The following DHX29 variants were observed in gnomAD, a reference collection of about 807,000 sequenced individuals.
The protein encoded by DHX29 is DExH-box helicase 29, also known as ATP-dependent RNA helicase DHX29.
Under a neutral mutation model 167.9 loss-of-function variants are expected in DHX29, and 79 were observed. That is an observed-to-expected ratio of 0.47 (90% CI 0.39 to 0.57). The LOEUF (loss-of-function observed/expected upper bound fraction) is 0.57. Ranked by LOEUF, DHX29 falls within the 20% of genes least tolerant of loss-of-function variation. The pLI is 0.00. For synonymous variants in DHX29, 530 were observed against 546.0 expected, an observed-to-expected ratio of 0.97 and a Z score of 0.41; for missense variants, 1,347 against 1,593.4, an observed-to-expected ratio of 0.85 and a Z score of 2.63.
intron 1 of DHX29, among the ~76,000 whole-genome samples, chr5:55,299,250 A>C (rs1748480751): frequency 6.6e-6 from 1 of 152,190 alleles, no homozygotes; most frequent in African/African-American, 2.4e-5. Context: ...CTTTATCCTC[A>C]TATCTTTTAG....
At chr5:55,269,365 G>C in intron 21 of DHX29, 48 bp downstream of exon 21, 2 of 1,568,766 alleles carry the variant, frequency 1.3e-6, no homozygotes, top group Non-Finnish European at 1.7e-6. Context: ...GTAATTTCCT[G>C]GTCAAAGGAT....
intron 12 of DHX29, among the ~76,000 whole-genome samples, chr5:55,280,678 A>T (rs551348757): frequency 2.4e-4 from 36 of 152,284 alleles, no homozygotes; most frequent in African/African-American, 8.7e-4. Flanking sequence ...AAATTAATCA[A>T]GGAAGAAAAA....
intron 23 of DHX29, among the ~76,000 whole-genome samples, chr5:55,263,786 G>GC (rs113191432): frequency 1 from 141,902 of 141,908 alleles, 70,948 homozygotes; most frequent in Middle Eastern, 1. Context: ...CAGTCAGTTG[G>GC]CCAGAGGGGG....
At position 55,295,585 on chromosome 5, in the gene DHX29, T is replaced by C; in HGVS notation, c.506-61A>G. On this transcript the variant is annotated intron_variant, in intron 4 of 26. Transcript: ENST00000251636. ...GCATATGATACATAAAACACACAAA[T>C]ATTTGTTAAGCATTTGTAAACCTTG... 3.2e-6 allele frequency: 5 copies of C among 1,548,928 alleles called. No individual in the cohort carries two copies. In the South Asian group the frequency reaches 5.9e-5, roughly 18 times the overall value.
At chr5:55,279,821 T>C (rs1469641875) in intron 12 of DHX29, among the ~76,000 whole-genome samples, 1 of 151,132 alleles carries the variant, frequency 6.6e-6, no homozygotes, top group Non-Finnish European at 1.5e-5. Flanking sequence ...TCCTCCCCCC[T>C]TCAGCCTGCC....
rs1748315197 is a variant in DHX29 at position 55,296,305 on chromosome 5, G to A, written c.420C>T (p.Asp140=). The part of the protein sequence containing the change: ...ALQAFSFKTK[D]IEDAMTNTLL... ...GTGTATTGGTCATGGCATCTTCAAT[G>A]TCCTTTGTCTTAAATGAAAATGCTT... The change falls in exon 4 of 27, where the codon GAC becomes GAT. Residue 140 remains aspartate (D), a synonymous_variant. Coordinates refer to ENST00000251636, the MANE Select transcript of DHX29 (RefSeq NM_019030.4). The A allele has an allele frequency of 1.9e-6, 3 of 1,613,496 alleles. No homozygotes were observed. Among genetic ancestry groups the A allele is most frequent in the Non-Finnish European group, 2.5e-6 (3 of 1,179,678 alleles).
At position 55,298,642 on chromosome 5, in the gene DHX29, A is replaced by T. The variant is rs1362585077; in HGVS notation, c.210T>A (p.Asn70Lys). Residue 70 changes from asparagine to lysine, a missense_variant, in exon 2 of 27, where the codon AAT becomes AAA. Transcript: ENST00000251636. The stretch of plus-strand genomic sequence containing the variant: ...CAGGACCACTAGAATCATTTGTAGA[A>T]TTAAAACTATAAATTTTTGGACCTG... ...VKQGPKIYSF[N>K]STNDSSGPAN... is the part of the protein sequence containing the mutation. 6.5e-7 allele frequency: 1 copy of T among 1,534,732 alleles called. No homozygotes were observed. The highest frequency in any genetic ancestry group is 1.7e-5 in the Admixed American group (1 of 59,444).
In DHX29 at chr5:55,269,632, ACAT is replaced by A. The variant is rs778169490; in HGVS notation, c.3072_3074del (p.Lys1024_Cys1025delinsAsn). On this transcript the variant is annotated inframe_deletion and splice_region_variant, in exon 21 of 27. Coordinates refer to ENST00000251636, the MANE Select transcript of DHX29 (RefSeq NM_019030.4). ...GGAAATCTTCAGGAGAACCAAGATTACATTTCTGCAGATTAAAAAAGCAATAAA... is the reference window on the plus strand; with the variant it reads ...GGAAATCTTCAGGAGAACCAAGATTATTCTGCAGATTAAAAAAGCAATAAA... The A allele has an allele frequency of 6.2e-7, 1 of 1,611,856 alleles. No homozygotes were observed. Among genetic ancestry groups the A allele is most frequent in the Non-Finnish European group, 8.5e-7 (1 of 1,178,200 alleles).
At chr5:55,296,156 G>T in intron 4 of DHX29, 64 bp downstream of exon 4, 1 of 1,510,412 alleles carries the variant, frequency 6.6e-7, no homozygotes, top group South Asian at 1.4e-5. Flanking sequence ...CCAAAAGGTT[G>T]ATACAAATAC....
At chr5:55,287,533 T>C (rs948602513) in intron 8 of DHX29, among the ~76,000 whole-genome samples, 14 of 152,192 alleles carry the variant, frequency 9.2e-5, no homozygotes, top group African/African-American at 3.1e-4. Context: ...CTAACTATAA[T>C]GCAATCTGAT....
chr5:55,265,828 G>C lies in DHX29; in HGVS notation c.3525+1310C>G, dbSNP rs1055213042. ...TTCAAAATCTAGGGGGCAGATAGTA[G>C]AATAAAAGGAGTACAAGTAGATTGA... On this transcript the variant is annotated intron_variant, in intron 23 of 26. Coordinates refer to ENST00000251636, the MANE Select transcript of DHX29 (RefSeq NM_019030.4). Among the ~76,000 whole-genome samples the C allele has an allele frequency of 5.9e-5, 9 of 152,148 alleles. No individual in the cohort carries two copies. In the South Asian group the frequency reaches 8.3e-4, roughly 14 times the overall value.
At chr5:55,284,883 A>G (rs978206393) in intron 10 of DHX29, among the ~76,000 whole-genome samples, 2 of 152,184 alleles carry the variant, frequency 1.3e-5, no homozygotes, top group Non-Finnish European at 2.9e-5. Flanking sequence ...TTTTAAAAAA[A>G]ATTAGCTGGA....
Position 55,289,170 on chromosome 5 carries a change from G to C in DHX29, c.1066+100C>G, listed in dbSNP as rs76309735. On this transcript the variant is annotated intron_variant, in intron 8 of 26. Coordinates refer to ENST00000251636, the MANE Select transcript of DHX29 (RefSeq NM_019030.4). ...AAGTGTAACTTCACTGCCATCTTACGTACTTTGCCAGAATGCAAAGTAACG... is the reference window on the plus strand; with the variant it reads ...AAGTGTAACTTCACTGCCATCTTACCTACTTTGCCAGAATGCAAAGTAACG... The C allele has an allele frequency of 2.3e-6, 3 of 1,295,994 alleles. No individual in the cohort carries two copies. In the East Asian group the frequency reaches 8.5e-5, roughly 37 times the overall value. 80.3% of individuals were successfully genotyped at this position (1,295,994 alleles called of 1,614,324 possible). A position where few individuals can be genotyped will look rare whatever the true frequency, so the allele number is the denominator to read the frequency against.
chr5:55,307,592 G>T lies in DHX29; in HGVS notation c.-19C>A, dbSNP rs372123163. ...CGCCCATGTTGCAGCTGTGGCAGAAGATCCTTCGCGGCCCAGGCCCCGACG... is the reference window on the plus strand; with the variant it reads ...CGCCCATGTTGCAGCTGTGGCAGAATATCCTTCGCGGCCCAGGCCCCGACG... On this transcript the variant is annotated 5_prime_UTR_variant, in exon 1 of 27. Transcript: ENST00000251636. 1 of 1,612,096 alleles carries T rather than the reference G, an allele frequency of 6.2e-7. No individual in the cohort carries two copies. Among genetic ancestry groups the T allele is most frequent in the African/African-American group, 1.3e-5 (1 of 75,004 alleles).
chr5:55,296,443 A>G (rs1579815280), intron 3 of DHX29, 94 bp from the exon 4 acceptor site: 1 of 1,378,606 alleles, frequency 7.3e-7, no homozygotes, highest in East Asian at 2.5e-5. Flanking sequence ...AAACTTTGAC[A>G]CAAATTATAA....
chr5:55,268,256 A>C (rs1052226610), intron 21 of DHX29, among the ~76,000 whole-genome samples: 1 of 152,192 alleles, frequency 6.6e-6, no homozygotes, highest in African/African-American at 2.4e-5. Flanking sequence ...ATCTTTAAAA[A>C]TAATTTGGAC....
intron 4 of DHX29, 75 bp downstream of exon 4, chr5:55,296,145 G>T: frequency 6.9e-7 from 1 of 1,452,574 alleles, no homozygotes; most frequent in Non-Finnish European, 9.2e-7. Context: ...ATGAGTATGA[G>T]CCAAAAGGTT....
intron 8 of DHX29, among the ~76,000 whole-genome samples, chr5:55,288,936 T>G (rs1253084098): frequency 6.6e-6 from 1 of 152,152 alleles, no homozygotes; most frequent in African/African-American, 2.4e-5. Context: ...TGCTAAAAGA[T>G]TTGGACTTGT....
rs577395957 is a variant in DHX29 at position 55,270,048 on chromosome 5, ACT to A, written c.3069+362_3069+363del. On this transcript the variant is annotated intron_variant, in intron 20 of 26. Coordinates refer to ENST00000251636, the MANE Select transcript of DHX29 (RefSeq NM_019030.4). ...TTTGTTTTAGGGAGCTGCCCTGTAC[ACT>A]GTCAGATGTTTAGGAGTATCCCAGA... Among the ~76,000 whole-genome samples the A allele has an allele frequency of 6.6e-5, 10 of 152,178 alleles. No homozygotes were observed. In the East Asian group the frequency reaches 1.9e-3, roughly 29 times the overall value.
Sources: allele counts gnomAD v4.1 joint callset (sites outside exome capture counted in the v4.1 genomes callset), GRCh38; gene constraint gnomAD v4.1.1; transcripts MANE v1.5; gene names NCBI Gene and HGNC (gene_info 2026-07-23, HGNC 2026-07-21).